The following GPR176 variants were observed in gnomAD, a reference collection of about 807,000 sequenced individuals.
The protein encoded by GPR176 is G protein-coupled receptor 176, also known as G-protein coupled receptor 176.
In GPR176, 26 loss-of-function variants were observed where a neutral mutation model predicts 35.4. That is an observed-to-expected ratio of 0.74 (90% CI 0.54 to 1.02). GPR176 has a LOEUF of 1.02. Among genes scored for constraint, GPR176 ranks in the 50% least tolerant of loss-of-function variants. GPR176 has a pLI of 0.00. For synonymous variants in GPR176, 278 were observed against 271.3 expected (o/e 1.02, Z -0.24); for missense variants, 597 against 665.3 (o/e 0.90, Z 1.13).
Position 39,853,930 on chromosome 15 carries a change from A to G in GPR176, c.173-46672T>C, listed in dbSNP as rs556520247. Among the ~76,000 whole-genome samples, 20 of 152,236 alleles carry G rather than the reference A, an allele frequency of 1.3e-4. No individual in the cohort carries two copies. The East Asian group carries it at 3.7e-3, about 28-fold the overall frequency. ...TGTTAGCCTTACAATTATCATCATC[A>G]TAATTATTATTATTATTATTTAACT... On this transcript the variant is annotated intron_variant, in intron 1 of 2. Transcript: ENST00000561100.
At chr15:39,910,912 C>G (rs778534318) in intron 1 of GPR176, among the ~76,000 whole-genome samples, 3 of 151,876 alleles carry the variant, frequency 2.0e-5, no homozygotes, top group Non-Finnish European at 2.9e-5. Context: ...GTGGCATGCA[C>G]CTGTAATACC....
At chr15:39,898,866 G>A (rs866927936) in intron 1 of GPR176, among the ~76,000 whole-genome samples, 1 of 152,178 alleles carries the variant, frequency 6.6e-6, no homozygotes, top group Non-Finnish European at 1.5e-5. Context: ...GGGTGGGGGA[G>A]AAGGGGTCAA....
Position 39,822,073 on chromosome 15 carries a change from G to C in GPR176, c.173-14815C>G, listed in dbSNP as rs552050937. ...CAAGCAGTCCTATGAAGAGGCTCATGTGGTAAGGAACTGGGGCCTCCTGCC... is the reference window on the plus strand; with the variant it reads ...CAAGCAGTCCTATGAAGAGGCTCATCTGGTAAGGAACTGGGGCCTCCTGCC... On this transcript the variant is annotated intron_variant, in intron 1 of 2. Coordinates refer to ENST00000561100, the MANE Select transcript of GPR176 (RefSeq NM_007223.3). Among the ~76,000 whole-genome samples, 4 of 152,360 alleles carry C rather than the reference G, an allele frequency of 2.6e-5. No individual in the cohort carries two copies. The East Asian group carries it at 7.7e-4, about 29-fold the overall frequency.
intron 1 of GPR176, among the ~76,000 whole-genome samples, chr15:39,832,529 T>C (rs35194933): frequency 0.39 from 58,932 of 151,876 alleles, 12,265 homozygotes; most frequent in Admixed American, 0.48. Context: ...AAATCCATTT[T>C]CTTGTTTCTT....
chr15:39,826,452 G>A (rs1353444217), intron 1 of GPR176, among the ~76,000 whole-genome samples: 1 of 152,076 alleles, frequency 6.6e-6, no homozygotes, highest in Non-Finnish European at 1.5e-5. Context: ...AGGAAAGGGG[G>A]ACCACTGAGA....
intron 1 of GPR176, chr15:39,815,242 C>T: frequency 6.6e-6 from 1 of 152,448 alleles, no homozygotes; most frequent in Non-Finnish European, 1.5e-5. Flanking sequence ...TGGGAAGCAG[C>T]CAGGAATGTG....
At chr15:39,858,412 G>GA (rs909093786) in intron 1 of GPR176, among the ~76,000 whole-genome samples, 186 of 149,568 alleles carry the variant, frequency 1.2e-3, no homozygotes, top group African/African-American at 3.9e-3. Context: ...AATTCCTACA[G>GA]AAAAAAAAAA....
chr15:39,867,541 C>CCT (rs939527900), intron 1 of GPR176, among the ~76,000 whole-genome samples: 8 of 151,552 alleles, frequency 5.3e-5, no homozygotes, highest in African/African-American at 2.0e-4. Flanking sequence ...AGGGTTTGAA[C>CCT]CTCACGCTGG....
At chr15:39,899,848 T>A (rs1280021341) in intron 1 of GPR176, among the ~76,000 whole-genome samples, 6 of 152,190 alleles carry the variant, frequency 3.9e-5, no homozygotes, top group Non-Finnish European at 1.5e-5. Flanking sequence ...TTGAATGCAT[T>A]CATAACTGGC....
intron 1 of GPR176, among the ~76,000 whole-genome samples, chr15:39,867,683 C>T (rs978484585): frequency 6.6e-6 from 1 of 152,016 alleles, no homozygotes; most frequent in African/African-American, 2.4e-5. Context: ...CTCCCCAAGA[C>T]GTGAGTAAAC....
At chr15:39,816,720 A>T (rs1899929360) in intron 1 of GPR176, among the ~76,000 whole-genome samples, 1 of 152,200 alleles carries the variant, frequency 6.6e-6, no homozygotes, top group South Asian at 2.1e-4. Flanking sequence ...TACAAATAAT[A>T]AAACAATGAT....
intron 1 of GPR176, among the ~76,000 whole-genome samples, chr15:39,828,249 T>C (rs1900817940): frequency 6.6e-6 from 1 of 152,118 alleles, no homozygotes; most frequent in Non-Finnish European, 1.5e-5. Flanking sequence ...GACAGAACCA[T>C]CTTAACTAGG....
chr15:39,878,096 C>CTGTGTGTGCGTGTG (rs2032322552), intron 1 of GPR176, among the ~76,000 whole-genome samples: 2 of 129,934 alleles, frequency 1.5e-5, no homozygotes, highest in Admixed American at 1.5e-4. Context: ...CCATAGTTAC[C>CTGTGTGTGCGTGTG]TGTGTGTGTG....
At chr15:39,827,248 A>C (rs1347480209) in intron 1 of GPR176, among the ~76,000 whole-genome samples, 1 of 152,202 alleles carries the variant, frequency 6.6e-6, no homozygotes, top group East Asian at 1.9e-4. Flanking sequence ...ATGTGACAAA[A>C]ATAGCAGCAT....
At chr15:39,844,004 G>A (rs74008969) in intron 1 of GPR176, among the ~76,000 whole-genome samples, 2,140 of 152,262 alleles carry the variant, frequency 0.014, 40 homozygotes, top group African/African-American at 0.045. Flanking sequence ...GCTTTATAAA[G>A]TGTCAAGAGG....
intron 1 of GPR176, among the ~76,000 whole-genome samples, chr15:39,895,209 GGAAA>G (rs544665385): frequency 0.012 from 1,739 of 149,140 alleles, 47 homozygotes; most frequent in African/African-American, 0.038. Context: ...GGGAGACCGT[GGAAA>G]GAGAGGGAGA....
chr15:39,828,259 G>A (rs1900819019), intron 1 of GPR176, among the ~76,000 whole-genome samples: 1 of 152,204 alleles, frequency 6.6e-6, no homozygotes, highest in Non-Finnish European at 1.5e-5. Context: ...TCTTAACTAG[G>A]ACAGGTAGGT....
chr15:39,911,658 C>CTTTAT lies in GPR176; in HGVS notation c.172+8196_172+8197insATAAA, dbSNP rs2033580377. ...ATGTGCTGCAGTGGGAGGATGCTTT[C>CTTTAT]TATAAAAACTGATACAGTGATAACT... is the stretch of plus-strand genomic sequence containing the variant. On this transcript the variant is annotated intron_variant, in intron 1 of 2. Coordinates refer to ENST00000561100, the MANE Select transcript of GPR176 (RefSeq NM_007223.3). 2.6e-5 allele frequency among the ~76,000 whole-genome samples: 4 copies of CTTTAT among 152,314 alleles called. No individual in the cohort carries two copies. In the South Asian group the frequency reaches 8.3e-4, roughly 32 times the overall value.
chr15:39,893,626 C>A (rs1341296334), intron 1 of GPR176, among the ~76,000 whole-genome samples: 2 of 152,194 alleles, frequency 1.3e-5, no homozygotes, highest in African/African-American at 4.8e-5. Context: ...GGGCACACCT[C>A]CCAGACGGGG....
Sources: gnomAD v4.1 joint callset for allele counts (sites outside exome capture counted in the v4.1 genomes callset) on GRCh38, gnomAD v4.1.1 for gene constraint, MANE v1.5 for transcripts, NCBI Gene and HGNC (gene_info 2026-07-23, HGNC 2026-07-21) for gene names.